RBFOX1: variants seen among roughly 807,000 people sequenced by gnomAD.
RBFOX1 encodes the protein RNA binding fox-1 homolog 1.
In RBFOX1, 8 loss-of-function variants were observed where a neutral mutation model predicts 57.7. The ratio of observed to expected loss-of-function variants is 0.14; its 90% confidence interval spans 0.08 to 0.25. The LOEUF is 0.25. Among genes scored for constraint, RBFOX1 ranks in the 10% least tolerant of loss-of-function variants. RBFOX1 has a pLI of 1.00. For missense variants in RBFOX1, 611 were observed against 548.5 expected (o/e 1.11, Z -1.14); for synonymous variants, 326 against 222.4 (o/e 1.47, Z -4.15).
chr16:7,481,517 A>C (rs1366673205), intron 4 of RBFOX1, among the ~76,000 whole-genome samples: 1 of 152,186 alleles, frequency 6.6e-6, no homozygotes, highest in Non-Finnish European at 1.5e-5. Context: ...CCTTAATTTG[A>C]TCTTACTTGC....
intron 4 of RBFOX1, among the ~76,000 whole-genome samples, chr16:7,083,489 C>T (rs1598994261): frequency 2.0e-5 from 3 of 152,110 alleles, no homozygotes; most frequent in South Asian, 2.1e-4. Flanking sequence ...CATACCAATC[C>T]ACTGGTGTAT....
At chr16:7,083,028 T>G (rs1210012187) in intron 4 of RBFOX1, among the ~76,000 whole-genome samples, 1 of 152,220 alleles carries the variant, frequency 6.6e-6, no homozygotes, top group Non-Finnish European at 1.5e-5. Context: ...ACTTTGTTAT[T>G]AAAATGATTT....
intron 3 of RBFOX1, among the ~76,000 whole-genome samples, chr16:5,714,220 T>C (rs8063606): frequency 0.76 from 115,347 of 152,118 alleles, 44,140 homozygotes; most frequent in Non-Finnish European, 0.81. Context: ...TGTTGTGCTC[T>C]CCCATTGTGA....
At chr16:7,309,212 C>T (rs115891396) in intron 4 of RBFOX1, among the ~76,000 whole-genome samples, 190 of 152,244 alleles carry the variant, frequency 1.2e-3, no homozygotes, top group African/African-American at 4.1e-3. Flanking sequence ...TGATCTTTTC[C>T]GATTAAGAGA....
chr16:6,302,433 C>A (rs1188118091), intron 1 of RBFOX1, among the ~76,000 whole-genome samples: 1 of 152,020 alleles, frequency 6.6e-6, no homozygotes. Flanking sequence ...TTTCTTTTGT[C>A]TTCTGGAATT....
intron 3 of RBFOX1, among the ~76,000 whole-genome samples, chr16:6,985,120 A>ACCCTACCCTACCCTACCCTC (rs1455365679): frequency 6.6e-6 from 1 of 151,270 alleles, no homozygotes; most frequent in Non-Finnish European, 1.5e-5. Flanking sequence ...CCCCTACCCT[A>ACCCTACCCTACCCTACCCTC]CCCTACCCTA....
chr16:5,494,832 T>C (rs1209460475), intron 2 of RBFOX1, among the ~76,000 whole-genome samples: 1 of 152,132 alleles, frequency 6.6e-6, no homozygotes, highest in East Asian at 1.9e-4. Flanking sequence ...ATGATCACGA[T>C]GATTGAAAGG....
At chr16:6,700,025 T>TA (rs564938843) in intron 3 of RBFOX1, among the ~76,000 whole-genome samples, 118 of 152,280 alleles carry the variant, frequency 7.7e-4, no homozygotes, top group African/African-American at 2.7e-3. Flanking sequence ...TTCCTTCTCT[T>TA]ACGATTGGCA....
At chr16:6,243,722 G>C (rs1168076016) in intron 1 of RBFOX1, among the ~76,000 whole-genome samples, 2 of 152,150 alleles carry the variant, frequency 1.3e-5, no homozygotes, top group Admixed American at 6.5e-5. Flanking sequence ...AGCCAGGCTG[G>C]TGCCACTCCA....
rs573076414 is a variant in RBFOX1 at position 5,868,580 on chromosome 16, C to G, written c.351+1245C>G. On this transcript the variant is annotated intron_variant, in intron 4 of 19. Transcript: ENST00000641259. Reference sequence around the variant, plus strand: ...CAAGTATCCATTCCCGTTCAAATGTCGGCATCCTCGGATACAGTAACTTGG... The same window carrying G: ...CAAGTATCCATTCCCGTTCAAATGTGGGCATCCTCGGATACAGTAACTTGG... 3.9e-5 allele frequency among the ~76,000 whole-genome samples: 6 copies of G among 152,140 alleles called. No individual in the cohort carries two copies. The East Asian group carries it at 9.6e-4, about 24-fold the overall frequency.
At chr16:6,903,857 C>T (rs1158671158) in intron 3 of RBFOX1, among the ~76,000 whole-genome samples, 1 of 152,122 alleles carries the variant, frequency 6.6e-6, no homozygotes, top group South Asian at 2.1e-4. Context: ...CACGTCATTA[C>T]TTGGAAAGGG....
chr16:5,361,378 T>C (rs1472585904), intron 1 of RBFOX1, among the ~76,000 whole-genome samples: 5 of 152,204 alleles, frequency 3.3e-5, no homozygotes, highest in African/African-American at 1.2e-4. Context: ...TAAGAAGTGC[T>C]AAAACAGCAC....
chr16:5,358,035 C>T (rs2065441340), intron 1 of RBFOX1, among the ~76,000 whole-genome samples: 1 of 152,162 alleles, frequency 6.6e-6, no homozygotes. Flanking sequence ...TTTATTTTCA[C>T]ATTGTTCAGG....
At chr16:6,289,735 A>G (rs1019378051) in intron 1 of RBFOX1, among the ~76,000 whole-genome samples, 2 of 152,118 alleles carry the variant, frequency 1.3e-5, no homozygotes, top group South Asian at 2.1e-4. Flanking sequence ...TCCTGGGGGG[A>G]AAATGCCTTC....
At chr16:6,822,729 G>C (rs961449127) in intron 3 of RBFOX1, among the ~76,000 whole-genome samples, 1 of 152,184 alleles carries the variant, frequency 6.6e-6, no homozygotes, top group East Asian at 1.9e-4. Context: ...ACTCAGGCTT[G>C]AAGGAAGGGA....
Position 6,254,091 on chromosome 16 carries a change from G to A in RBFOX1, c.-126-62904G>A, listed in dbSNP as rs2152589192. On this transcript the variant is annotated intron_variant, in intron 1 of 15. Coordinates refer to ENST00000550418, the MANE Select transcript of RBFOX1 (RefSeq NM_018723.4). Reference sequence around the variant, plus strand: ...ACAAACTTACGATCAAGGAATTCCAGTGAGAATTTTAGGTTGCCTTCCTTG... The same window carrying A: ...ACAAACTTACGATCAAGGAATTCCAATGAGAATTTTAGGTTGCCTTCCTTG... Among the ~76,000 whole-genome samples, 3 of 152,278 alleles carry A rather than the reference G, an allele frequency of 2.0e-5. 1 individual carries two copies. The East Asian group carries it at 5.8e-4, about 29-fold the overall frequency.
chr16:7,381,377 T>C (rs1265739964), intron 4 of RBFOX1, among the ~76,000 whole-genome samples: 1 of 152,206 alleles, frequency 6.6e-6, no homozygotes, highest in Non-Finnish European at 1.5e-5. Flanking sequence ...GAAAACCATA[T>C]TTGAAATTTA....
At chr16:7,138,922 C>T (rs749575119) in intron 4 of RBFOX1, among the ~76,000 whole-genome samples, 1 of 152,056 alleles carries the variant, frequency 6.6e-6, no homozygotes, top group African/African-American at 2.4e-5. Context: ...AATTCTTGTG[C>T]CTCAGCCTCC....
intron 5 of RBFOX1, among the ~76,000 whole-genome samples, chr16:7,572,215 G>T (rs1280143641): frequency 6.6e-6 from 1 of 152,252 alleles, no homozygotes; most frequent in African/African-American, 2.4e-5. Context: ...CATTCACAAA[G>T]ACTTGGATGT....
Sources: allele counts gnomAD v4.1 joint callset (sites outside exome capture counted in the v4.1 genomes callset), GRCh38; gene constraint gnomAD v4.1.1; transcripts MANE v1.5; gene names NCBI Gene and HGNC (gene_info 2026-07-23, HGNC 2026-07-21).